Variants in COQ8A observed in about 807,000 individuals in gnomAD.
COQ8A encodes the protein coenzyme Q8A, also known as atypical kinase COQ8A, mitochondrial.
Under a neutral mutation model 65.0 loss-of-function variants are expected in COQ8A, and 51 were observed. The observed-to-expected ratio is 0.78, with a 90% confidence interval of 0.63 to 0.99. The LOEUF (loss-of-function observed/expected upper bound fraction) is 0.99. Ranked by LOEUF, COQ8A falls within the 50% of genes least tolerant of loss-of-function variation. The pLI is 0.00. For missense variants in COQ8A, 940 were observed against 875.0 expected, an observed-to-expected ratio of 1.07 and a Z score of -0.94; for synonymous variants, 371 against 353.2, an observed-to-expected ratio of 1.05 and a Z score of -0.57.
intron 1 of COQ8A, among the ~76,000 whole-genome samples, chr1:226,941,100 C>A (rs1392884120): frequency 1.3e-5 from 2 of 152,230 alleles, no homozygotes; most frequent in African/African-American, 4.8e-5. Flanking sequence ...CTGCCAAACC[C>A]TCTTTGGGCG....
Position 226,986,490 on chromosome 1 carries a change from T to C in COQ8A, c.1697T>C (p.Leu566Pro), listed in dbSNP as rs895125817. The change falls in exon 15 of 15, where the codon CTG (leucine) becomes CCG (proline). Residue 566 changes from leucine (L) to proline (P), a missense_variant. Coordinates refer to ENST00000366777, the MANE Select transcript of COQ8A (RefSeq NM_020247.5). ...GCCCACTTGGATGCCATCCTCATCCTGGGGGAGGCCTTCGCCTCTGATGAG... is the reference window on the plus strand; with the variant it reads ...GCCCACTTGGATGCCATCCTCATCCCGGGGGAGGCCTTCGCCTCTGATGAG... ...EDAHLDAILI[L>P]GEAFASDEPF... is the part of the protein sequence containing the mutation. 6.2e-7 allele frequency: 1 copy of C among 1,613,338 alleles called. No individual in the cohort carries two copies. Among genetic ancestry groups the C allele is most frequent in the Non-Finnish European group, 8.5e-7 (1 of 1,179,952 alleles).
rs1258773267 is a variant in COQ8A at position 226,983,543 on chromosome 1, C to T, written c.1081-9C>T. 5 of 1,613,342 alleles carry T rather than the reference C, an allele frequency of 3.1e-6. No homozygotes were observed. Among genetic ancestry groups the T allele is most frequent in the Middle Eastern group, 1.6e-4 (1 of 6,084 alleles). ...GGCTAACTCCCCTGCCTCACCCATA[C>T]CCCCACAGTACCCTGGCGTGGCCCA... On this transcript the variant is annotated splice_polypyrimidine_tract_variant and intron_variant, in intron 8 of 14. Transcript: ENST00000366777.
chr1:226,965,213 C>G lies in COQ8A; in HGVS notation c.391C>G (p.Pro131Ala), dbSNP rs749493001. Residue 131 changes from proline (P) to alanine (A), a missense_variant, in exon 3 of 15, where the codon CCC (proline) becomes GCC (alanine). Transcript: ENST00000366777. ...ASGPFREAGF[P>A]GQASSPLGRA... ...TGGACCCTTTAGAGAAGCCGGGTTC[C>G]CCGGCCAGGCCTCCTCCCCTCTGGG... The G allele has an allele frequency of 6.2e-7, 1 of 1,613,576 alleles. No homozygotes were observed. The highest frequency in any genetic ancestry group is 1.3e-5 in the African/African-American group (1 of 74,960).
chr1:226,960,400 A>G (rs1558187424), intron 1 of COQ8A, among the ~76,000 whole-genome samples: 3 of 23,286 alleles, frequency 1.3e-4, no homozygotes, highest in East Asian at 1.5e-3. Context: ...CAGTGGTGGT[A>G]CTTGGTGGTG....
chr1:226,984,097 C>T lies in COQ8A; in HGVS notation c.1260C>T (p.Asp420=), dbSNP rs769430648. Reference sequence around the variant, plus strand: ...GTGACCTCCCTCCCCTACCCAGGGACCTGCTGAAGGGCCACCCCTTCTTCT... The same window carrying T: ...GTGACCTCCCTCCCCTACCCAGGGATCTGCTGAAGGGCCACCCCTTCTTCT... The part of the protein sequence containing the change: ...REAACARKFR[D]LLKGHPFFYV... Residue 420 remains aspartate, a synonymous_variant, in exon 11 of 15, where the codon GAC becomes GAT. Coordinates refer to ENST00000366777, the MANE Select transcript of COQ8A (RefSeq NM_020247.5). 7.4e-6 allele frequency: 12 copies of T among 1,613,348 alleles called. No homozygotes were observed. In the East Asian group the frequency reaches 2.0e-4, roughly 27 times the overall value.
chr1:226,942,386 G>A (rs1656760744), intron 1 of COQ8A, among the ~76,000 whole-genome samples: 1 of 151,990 alleles, frequency 6.6e-6, no homozygotes, highest in Non-Finnish European at 1.5e-5. Flanking sequence ...CATGTACTGT[G>A]CCTGCTAAAT....
intron 1 of COQ8A, among the ~76,000 whole-genome samples, chr1:226,961,036 A>G (rs1658220947): frequency 6.6e-6 from 1 of 152,146 alleles, no homozygotes; most frequent in Admixed American, 6.5e-5. Context: ...GCCTGACTCA[A>G]GTCCTGGTTC....
At chr1:226,956,826 G>A (rs1380800375) in intron 1 of COQ8A, among the ~76,000 whole-genome samples, 2 of 89,208 alleles carry the variant, frequency 2.2e-5, no homozygotes, top group African/African-American at 4.7e-5. Flanking sequence ...CCACTCCCTG[G>A]TTCACACTCT....
rs1426946846 is a variant in COQ8A, at chr1:226,965,065, C to G, written c.243C>G (p.Phe81Leu). The change falls in exon 3 of 15, where the codon TTC becomes TTG. Residue 81 changes from phenylalanine (F) to leucine (L), a missense_variant. Transcript: ENST00000366777. ...GCGGCCCAGAAGGGGAGTTCCACTT[C>G]TCAGTCCCGCATGCAGCCGGAGCCT... ...NFGGPEGEFH[F>L]SVPHAAGAST... is the part of the protein sequence containing the mutation. 6.2e-7 allele frequency: 1 copy of G among 1,614,000 alleles called. No homozygotes were observed. The highest frequency in any genetic ancestry group is 1.1e-5 in the South Asian group (1 of 91,088).
chr1:226,978,677 C>A (rs1357926006), intron 5 of COQ8A, among the ~76,000 whole-genome samples: 2 of 93,222 alleles, frequency 2.1e-5, no homozygotes, highest in African/African-American at 5.8e-5. Context: ...CACCTCCTTA[C>A]ACACCCTCCA....
Position 226,987,065 on chromosome 1 carries a change from C to CCCTT in COQ8A, c.*331_*334dup, listed in dbSNP as rs779919934. On this transcript the variant is annotated 3_prime_UTR_variant, in exon 15 of 15. Transcript: ENST00000366777. ...AAGCAGAAGGGAGAGAGTCCTTACTCCCTTCCAATCTCTGTTCAGTGCAAA... is the reference window on the plus strand; with the variant it reads ...AAGCAGAAGGGAGAGAGTCCTTACTCCCTTCCTTCCAATCTCTGTTCAGTGCAAA... The CCCTT allele has an allele frequency of 4.9e-6, 2 of 404,132 alleles. No homozygotes were observed. Among genetic ancestry groups the CCCTT allele is most frequent in the Non-Finnish European group, 9.3e-6 (2 of 215,912 alleles). The allele number at this position is 404,132 out of a possible 1,614,324, so 25.0% of individuals were successfully genotyped here.
At chr1:226,976,534 C>T (rs537861206) in intron 4 of COQ8A, among the ~76,000 whole-genome samples, 39 of 152,256 alleles carry the variant, frequency 2.6e-4, no homozygotes, top group Admixed American at 1.2e-3. Context: ...GCCATGGTCA[C>T]CGTGCCCAGC....
At chr1:226,964,784 A>G (rs1281278338) in intron 2 of COQ8A, among the ~76,000 whole-genome samples, 3 of 152,094 alleles carry the variant, frequency 2.0e-5, no homozygotes, top group African/African-American at 7.2e-5. Context: ...CCCACCTAGG[A>G]CCACACAGCA....
Position 226,986,540 on chromosome 1 carries a change from A to G in COQ8A, c.1747A>G (p.Thr583Ala), listed in dbSNP as rs1660127703. 1 of 1,613,440 alleles carries G rather than the reference A, an allele frequency of 6.2e-7. No individual in the cohort carries two copies. Among genetic ancestry groups the G allele is most frequent in the Non-Finnish European group, 8.5e-7 (1 of 1,179,868 alleles). Reference protein sequence around the residue: ...DEPFDFGTQSTTEKIHNLIPV... With the variant: ...DEPFDFGTQSATEKIHNLIPV... ...GCCTTTTGATTTTGGCACTCAGAGC[A>G]CCACCGAGAAGATCCACAACCTGAT... Residue 583 changes from threonine to alanine, a missense_variant, in exon 15 of 15, where the codon ACC (threonine) becomes GCC (alanine). Thr to Ala is a moderately conservative substitution (Grantham distance 58). Coordinates refer to ENST00000366777, the MANE Select transcript of COQ8A (RefSeq NM_020247.5).
intron 1 of COQ8A, among the ~76,000 whole-genome samples, chr1:226,960,288 G>GTGGTGGCAGTGGTACTTGGTGGTGGTACT (rs1558187089): frequency 7.6e-6 from 1 of 132,320 alleles, no homozygotes; most frequent in African/African-American, 2.8e-5. Context: ...GTGGTACTTG[G>GTGGTGGCAGTGGTACTTGGTGGTGGTACT]TGGTGGTACT....
chr1:226,968,507 CCAAA>C (rs1451978910), intron 4 of COQ8A, among the ~76,000 whole-genome samples: 2 of 152,154 alleles, frequency 1.3e-5, no homozygotes, highest in African/African-American at 4.8e-5. Flanking sequence ...GGGTCATCAT[CCAAA>C]CAGTTTGTAG....
intron 4 of COQ8A, among the ~76,000 whole-genome samples, chr1:226,967,939 C>T (rs1017321038): frequency 1.3e-5 from 2 of 152,236 alleles, no homozygotes; most frequent in African/African-American, 2.4e-5. Flanking sequence ...AAGAACGTGC[C>T]GTTCTGGCCC....
Position 226,964,998 on chromosome 1 carries a change from A to G in COQ8A, c.178-2A>G, listed in dbSNP as rs532458270. The G allele has an allele frequency of 3.1e-6, 5 of 1,613,896 alleles. No homozygotes were observed. The highest frequency in any genetic ancestry group is 1.7e-5 in the Admixed American group (1 of 60,028). ...CCTAATGCTGGCCTTTGCTCCCTGC[A>G]GGGTCAGGATAAACATGAAGAATAT... On this transcript the variant is annotated splice_acceptor_variant, in intron 2 of 14. Coordinates refer to ENST00000366777, the MANE Select transcript of COQ8A (RefSeq NM_020247.5). LOFTEE classifies it high-confidence loss of function.
At chr1:226,975,397 G>A (rs920285695) in intron 4 of COQ8A, among the ~76,000 whole-genome samples, 2 of 152,190 alleles carry the variant, frequency 1.3e-5, no homozygotes, top group African/African-American at 2.4e-5. Context: ...TTGGAAATGC[G>A]GCTGGTCCAC....
Sources: gnomAD v4.1 joint callset for allele counts (sites outside exome capture counted in the v4.1 genomes callset) on GRCh38, gnomAD v4.1.1 for gene constraint, MANE v1.5 for transcripts, NCBI Gene and HGNC (gene_info 2026-07-23, HGNC 2026-07-21) for gene names.